Variants in CELSR1 observed in about 807,000 individuals in gnomAD.
CELSR1 encodes the protein adhesion G protein-coupled receptor C1.
A neutral mutation model predicts 249.1 loss-of-function variants in CELSR1; 110 were observed. The ratio of observed to expected loss-of-function variants is 0.44; its 90% CI spans 0.38 to 0.52. CELSR1 has a LOEUF of 0.52. Ranked by LOEUF, CELSR1 falls within the 20% of genes least tolerant of loss-of-function variation. The pLI, the probability that CELSR1 is intolerant of heterozygous loss-of-function variation, is 0.00. For synonymous variants in CELSR1, 2,113 were observed against 1,900.0 expected, an observed-to-expected ratio of 1.11 and a Z score of -2.92; for missense variants, 4,109 against 4,296.4, an observed-to-expected ratio of 0.96 and a Z score of 1.22.
chr22:46,368,465 C>T (rs1192335979), intron 27 of CELSR1, among the ~76,000 whole-genome samples: 1 of 151,930 alleles, frequency 6.6e-6, no homozygotes, highest in Admixed American at 6.6e-5. Flanking sequence ...CTCTGCCCTA[C>T]CCCCCTTCAG....
intron 1 of CELSR1, among the ~76,000 whole-genome samples, chr22:46,478,493 G>T (rs984471235): frequency 6.6e-6 from 1 of 152,072 alleles, no homozygotes; most frequent in African/African-American, 2.4e-5. Flanking sequence ...CTGGCCCGAC[G>T]TGTCCACGAG....
chr22:46,533,317 C>G (rs559093247), intron 1 of CELSR1, among the ~76,000 whole-genome samples: 1 of 152,224 alleles, frequency 6.6e-6, no homozygotes, highest in Admixed American at 6.5e-5. Flanking sequence ...CTGGAGGCCA[C>G]TTTTTAATAG....
At chr22:46,369,613 G>C in intron 26 of CELSR1, 79 bp downstream of exon 26, 2 of 1,361,878 alleles carry the variant, frequency 1.5e-6, no homozygotes, top group Non-Finnish European at 2.1e-6. Flanking sequence ...GGAGTTGGTG[G>C]CCCCAGCCAA....
chr22:46,459,379 G>C (rs2079994360), intron 2 of CELSR1, among the ~76,000 whole-genome samples: 1 of 152,154 alleles, frequency 6.6e-6, no homozygotes, highest in African/African-American at 2.4e-5. Flanking sequence ...AAGCCCCTCC[G>C]GGGCCACTGC....
At chr22:46,452,403 C>T (rs1049928976) in intron 2 of CELSR1, among the ~76,000 whole-genome samples, 29 of 152,292 alleles carry the variant, frequency 1.9e-4, no homozygotes, top group Admixed American at 7.2e-4. Flanking sequence ...CGAGTGGACT[C>T]GGGAAGTCCT....
At chr22:46,438,184 G>GC (rs1334840167) in intron 3 of CELSR1, among the ~76,000 whole-genome samples, 1 of 152,196 alleles carries the variant, frequency 6.6e-6, no homozygotes, top group Non-Finnish European at 1.5e-5. Flanking sequence ...AGAAACCAAG[G>GC]CCCAGAGAAG....
chr22:46,479,694 C>T (rs546182163), intron 1 of CELSR1, among the ~76,000 whole-genome samples: 151 of 152,216 alleles, frequency 9.9e-4, no homozygotes, highest in Middle Eastern at 3.4e-3. Context: ...ATATCACAGC[C>T]GGGAAGCAGC....
At chr22:46,431,105 G>A (rs1041469998) in intron 5 of CELSR1, among the ~76,000 whole-genome samples, 3 of 152,228 alleles carry the variant, frequency 2.0e-5, no homozygotes, top group Admixed American at 6.5e-5. Context: ...CCCTAGACAC[G>A]GAAGCCATGG....
intron 25 of CELSR1, chr22:46,370,060 G>A (rs75415689): frequency 0.011 from 6,308 of 571,924 alleles, 256 homozygotes; most frequent in African/African-American, 0.094. Flanking sequence ...TCTGGGCCGG[G>A]GGCTGCTGAG....
chr22:46,383,125 C>CA (rs1436172679), intron 20 of CELSR1, among the ~76,000 whole-genome samples: 4 of 152,206 alleles, frequency 2.6e-5, no homozygotes, highest in South Asian at 2.1e-4. Context: ...AGCGAGTTCT[C>CA]ACTCTATTAG....
Position 46,363,404 on chromosome 22 carries a change from T to C in CELSR1, c.9036-157A>G. 1 of 613,284 alleles carries C rather than the reference T, an allele frequency of 1.6e-6. No homozygotes were observed. The highest frequency in any genetic ancestry group is 2.9e-6 in the Non-Finnish European group (1 of 349,068). The allele number at this position is 613,284 out of a possible 1,614,324, so 38.0% of individuals were successfully genotyped here. A position where few individuals can be genotyped will look rare whatever the true frequency, so the allele number is the denominator to read the frequency against. ...AGGGCAAGCTCATGTTGGATGAGGC[T>C]GCCCTTGGGAGGCAGGAGAGGGGAC... is the stretch of plus-strand genomic sequence containing the variant. On this transcript the variant is annotated intron_variant, in intron 34 of 34. Transcript: ENST00000674500. The surrounding 1 kb of genome is among the most constrained non-coding windows in gnomAD (Gnocchi z 4.3).
At chr22:46,451,922 T>C (rs1189026948) in intron 2 of CELSR1, among the ~76,000 whole-genome samples, 2 of 151,970 alleles carry the variant, frequency 1.3e-5, no homozygotes, top group Admixed American at 6.6e-5. Context: ...CAGAGGGAGA[T>C]GAGAAGCAAG....
At chr22:46,455,196 T>A (rs190850253) in intron 2 of CELSR1, among the ~76,000 whole-genome samples, 1 of 152,186 alleles carries the variant, frequency 6.6e-6, no homozygotes, top group Non-Finnish European at 1.5e-5. Flanking sequence ...TGGCTTTGAA[T>A]TTCTGGCCTC....
At chr22:46,456,380 C>G (rs2079949342) in intron 2 of CELSR1, among the ~76,000 whole-genome samples, 1 of 152,114 alleles carries the variant, frequency 6.6e-6, no homozygotes, top group East Asian at 1.9e-4. Flanking sequence ...CCAAAATAGG[C>G]CGGGCACGGT....
chr22:46,534,077 C>A lies in CELSR1; in HGVS notation c.3094G>T (p.Ala1032Ser). Residue 1032 changes from alanine (A) to serine (S), a missense_variant, in exon 1 of 35, where the codon GCC becomes TCC. Around this residue, in one of 7 missense-constraint regions of CELSR1, gnomAD observed 886 missense variants for 896.5 expected, o/e 0.99. Transcript: ENST00000674500. This position sits in a 1 kb window ranked among gnomAD's most constrained non-coding sequence, Gnocchi z 9.7. ...RANDPDEGPN[A>S]QIMYQIVEGD... is the part of the protein sequence containing the mutation. ...TCCACAATCTGATACATGATCTGGG[C>A]ATTAGGGCCTTCATCAGGGTCGTTA... 6.2e-7 allele frequency: 1 copy of A among 1,613,754 alleles called. No individual in the cohort carries two copies. The highest frequency in any genetic ancestry group is 1.1e-5 in the South Asian group (1 of 91,080).
Position 46,535,294 on chromosome 22 carries a change from G to C in CELSR1, c.1877C>G (p.Pro626Arg). 6.2e-7 allele frequency: 1 copy of C among 1,611,314 alleles called. No homozygotes were observed. The highest frequency in any genetic ancestry group is 8.5e-7 in the Non-Finnish European group (1 of 1,180,010). Residue 626 changes from proline to arginine, a missense_variant, in exon 1 of 35, where the codon CCT becomes CGT. Coordinates refer to ENST00000674500, the MANE Select transcript of CELSR1 (RefSeq NM_001378328.1). ...GTTGTGGATCTGGAAGGGGAAGTCAGGGGTGGGGGCAGGATTCTTAGGCCC... is the reference window on the plus strand; with the variant it reads ...GTTGTGGATCTGGAAGGGGAAGTCACGGGTGGGGGCAGGATTCTTAGGCCC... ...SAGPKNPAPT[P>R]DFPFQIHNSS...
chr22:46,375,903 A>G (rs1271921975), intron 24 of CELSR1, among the ~76,000 whole-genome samples: 2 of 152,184 alleles, frequency 1.3e-5, no homozygotes, highest in African/African-American at 2.4e-5. Flanking sequence ...GAGATCCTTC[A>G]TGTTACCTAA....
Position 46,407,820 on chromosome 22 carries a change from C to T in CELSR1, c.5226+1176G>A, listed in dbSNP as rs2079283603. Among the ~76,000 whole-genome samples, 1 of 152,110 alleles carries T rather than the reference C, an allele frequency of 6.6e-6. No individual in the cohort carries two copies. Among genetic ancestry groups the T allele is most frequent in the South Asian group, 2.1e-4 (1 of 4,826 alleles). On this transcript the variant is annotated intron_variant, in intron 9 of 34. Coordinates refer to ENST00000674500, the MANE Select transcript of CELSR1 (RefSeq NM_001378328.1). This position sits in a 1 kb window ranked among gnomAD's most constrained non-coding sequence, Gnocchi z 4.8. ...GGAGCTTTTTAGGAGGGAGAATTGC[C>T]CAGTGAGTTTTCAGAGCTAGACCCT...
In CELSR1 at chr22:46,389,465, T is replaced by C; in HGVS notation, c.6380A>G (p.Asp2127Gly). Reference protein sequence around the residue: ...EKLSRNETQVDGARALQLVRA... With the variant: ...EKLSRNETQVGGARALQLVRA... The stretch of plus-strand genomic sequence containing the variant: ...CACCAGCTGCAGGGCCCTGGCGCCG[T>C]CCACCTGCGTCTCATTGCGGCTCAG... The change falls in exon 18 of 35, where the codon GAC (aspartate) becomes GGC (glycine). Residue 2127 changes from aspartate (D) to glycine (G), a missense_variant. Coordinates refer to ENST00000674500, the MANE Select transcript of CELSR1 (RefSeq NM_001378328.1). 1 of 1,613,316 alleles carries C rather than the reference T, an allele frequency of 6.2e-7. No individual in the cohort carries two copies. The highest frequency in any genetic ancestry group is 8.5e-7 in the Non-Finnish European group (1 of 1,180,024).
Sources: gnomAD v4.1 joint callset for allele counts (sites outside exome capture counted in the v4.1 genomes callset) on GRCh38, gnomAD v4.1.1 for gene constraint, gnomAD v4.1.1 regional missense constraint, Gnocchi (gnomAD v3.1) non-coding constraint, MANE v1.5 for transcripts, NCBI Gene and HGNC (gene_info 2026-07-23, HGNC 2026-07-21) for gene names.